Variants in TTLL8 observed in about 807,000 individuals in gnomAD.
TTLL8 encodes the protein protein monoglycylase TTLL8.
A neutral mutation model predicts 77.8 loss-of-function variants in TTLL8; 65 were observed. That is an observed-to-expected ratio of 0.84 (90% CI 0.68 to 1.03). The LOEUF is 1.03. Among genes scored for constraint, TTLL8 ranks in the 50% least tolerant of loss-of-function variants. TTLL8 has a pLI of 0.00. For synonymous variants in TTLL8, 402 were observed against 422.8 expected (o/e 0.95, Z 0.60); for missense variants, 910 against 1,004.5 (o/e 0.91, Z 1.27).
upstream of TTLL8, among the ~76,000 whole-genome samples, chr22:50,057,515 GGGGGGTCAGGTCTGGGT>G (rs2040714636): frequency 1.6e-5 from 1 of 64,360 alleles, no homozygotes; most frequent in African/African-American, 1.0e-4. Flanking sequence ...GGTCTGGGTT[GGGGGGTCAGGTCTGGGT>G]TGAGCGGGAG....
intron 11 of TTLL8, among the ~76,000 whole-genome samples, 175 bp from the exon 13 acceptor site, chr22:50,031,100 G>T (rs1427748215): frequency 6.6e-6 from 1 of 152,136 alleles, no homozygotes. Flanking sequence ...AGGCTCTGGA[G>T]AACCTGCGGG....
intron 12 of TTLL8, among the ~76,000 whole-genome samples, chr22:50,020,769 CCTT>C (rs1178802736): frequency 1.3e-5 from 2 of 150,412 alleles, no homozygotes; most frequent in Non-Finnish European, 2.9e-5. Context: ...GATGTGTACT[CCTT>C]CATCTGACGT....
At chr22:50,020,533 A>T (rs1189104672) in intron 12 of TTLL8, among the ~76,000 whole-genome samples, 1 of 145,860 alleles carries the variant, frequency 6.9e-6, no homozygotes, top group African/African-American at 2.6e-5. Flanking sequence ...CCATCTGATG[A>T]TGTGTACTCC....
At chr22:50,054,704 G>A (rs866178678), upstream of TTLL8, 12 of 176,688 alleles carry the variant, frequency 6.8e-5, no homozygotes, top group Middle Eastern at 6.3e-3. Context: ...GGGCGGCGCT[G>A]GCCACCCCTT....
chr22:50,050,132 T>G (rs1231766704), exon 2 of TTLL8: 1 of 1,367,270 alleles, frequency 7.3e-7, no homozygotes, highest in Admixed American at 1.9e-5. Context: ...GCCTTCATCC[T>G]CGACATCCGG....
intron 4 of TTLL8, among the ~76,000 whole-genome samples, chr22:50,046,336 G>C (rs537913401): frequency 6.6e-6 from 1 of 152,354 alleles, no homozygotes; most frequent in South Asian, 2.1e-4. Flanking sequence ...CCCCAGGAGA[G>C]GGAGGAGCGG....
chr22:50,026,778 A>C (rs2061232083), intron 12 of TTLL8, among the ~76,000 whole-genome samples: 2 of 152,220 alleles, frequency 1.3e-5, no homozygotes, highest in Non-Finnish European at 2.9e-5. Context: ...GTTTGGAAAG[A>C]GATACTATTT....
chr22:50,050,071 C>T, intron 2 of TTLL8, 38 bp downstream of exon 4: 1 of 1,358,836 alleles, frequency 7.4e-7, no homozygotes, highest in Non-Finnish European at 9.8e-7. Context: ...GACAGACGCA[C>T]ACGCCCTGAG....
chr22:50,022,579 G>A (rs373648508), intron 12 of TTLL8, among the ~76,000 whole-genome samples: 4 of 143,590 alleles, frequency 2.8e-5, no homozygotes, highest in Non-Finnish European at 4.6e-5. Flanking sequence ...TGATGTGCAC[G>A]CCTCCATTTG....
intron 12 of TTLL8, among the ~76,000 whole-genome samples, chr22:50,024,050 A>G (rs773835270): frequency 6.6e-6 from 1 of 152,160 alleles, no homozygotes; most frequent in Non-Finnish European, 1.5e-5. Flanking sequence ...AATAACAACA[A>G]CAAAACCATT....
intron 12 of TTLL8, among the ~76,000 whole-genome samples, chr22:50,021,240 GACA>G (rs1459431167): frequency 1.4e-5 from 2 of 141,040 alleles, no homozygotes; most frequent in African/African-American, 2.7e-5. Flanking sequence ...TCCATCTGAC[GACA>G]TGTACTCCTC....
chr22:50,029,626 G>C (rs2146641126), intron 12 of TTLL8, among the ~76,000 whole-genome samples: 1 of 152,300 alleles, frequency 6.6e-6, no homozygotes, highest in South Asian at 2.1e-4. Flanking sequence ...AGCTACTCGG[G>C]AGGCTGAGGC....
At chr22:50,026,983 C>T (rs896755983) in intron 12 of TTLL8, among the ~76,000 whole-genome samples, 1 of 152,142 alleles carries the variant, frequency 6.6e-6, no homozygotes, top group African/African-American at 2.4e-5. Flanking sequence ...CCTGTAATCC[C>T]AGCACTTAGG....
intron 8 of TTLL8, among the ~76,000 whole-genome samples, chr22:50,040,306 G>A (rs2061362615): frequency 6.6e-6 from 1 of 151,504 alleles, no homozygotes; most frequent in Non-Finnish European, 1.5e-5. Flanking sequence ...ACGTGTAACA[G>A]CGTGGATGGA....
upstream of TTLL8, chr22:50,054,761 TA>T: frequency 5.7e-6 from 1 of 174,462 alleles, no homozygotes; most frequent in Non-Finnish European, 1.3e-5. Context: ...ACGGCTAAAA[TA>T]AAAGGTATCT....
intron 12 of TTLL8, among the ~76,000 whole-genome samples, chr22:50,025,514 C>T (rs2061225929): frequency 6.6e-6 from 1 of 152,124 alleles, no homozygotes; most frequent in Admixed American, 6.5e-5. Flanking sequence ...TGGTGCGTGC[C>T]TGTAATCCCA....
At chr22:50,031,774 T>C (rs541897457) in exon 11 of TTLL8, 1 of 1,366,260 alleles carries the variant, frequency 7.3e-7, no homozygotes, top group South Asian at 1.1e-5. Context: ...TGCACACAGC[T>C]GGGCCGTGAC....
chr22:50,050,086 G>A (rs747318794), intron 2 of TTLL8, 23 bp downstream of exon 4: 4 of 1,364,314 alleles, frequency 2.9e-6, no homozygotes, highest in East Asian at 9.1e-5. Context: ...CCTGAGCTGA[G>A]ACGTGCGCCT....
exon 12 of TTLL8, chr22:50,030,543 G>T (rs1043249017): frequency 7.6e-7 from 1 of 1,323,470 alleles, no homozygotes; most frequent in Admixed American, 2.2e-5. Flanking sequence ...GGCGGGCTGG[G>T]CTACGGGGAC....
Sources: gnomAD v4.1 joint callset for allele counts (sites outside exome capture counted in the v4.1 genomes callset) on GRCh38, gnomAD v4.1.1 for gene constraint, MANE v1.5 for transcripts, NCBI Gene and HGNC (gene_info 2026-07-23, HGNC 2026-07-21) for gene names.